The following WDR17 variants were observed in gnomAD, a reference collection of about 807,000 sequenced individuals.
WDR17 encodes WD repeat-containing protein 17.
WDR17 carries 143 observed loss-of-function variants against 161.7 expected under a neutral mutation model. The ratio of observed to expected loss-of-function variants is 0.88; its 90% CI spans 0.77 to 1.02. The LOEUF (loss-of-function observed/expected upper bound fraction) is 1.02, where lower values mean the gene tolerates loss of function less well. Ranked by LOEUF, WDR17 falls within the 50% of genes least tolerant of loss-of-function variation. The pLI, the probability that WDR17 is intolerant of heterozygous loss-of-function variation, is 0.00. For synonymous variants in WDR17, 517 were observed against 515.6 expected (o/e 1.00, Z -0.04); for missense variants, 1,469 against 1,520.9 (o/e 0.97, Z 0.57).
intron 3 of WDR17, among the ~76,000 whole-genome samples, chr4:176,118,830 G>A (rs1301409308): frequency 5.9e-5 from 9 of 151,952 alleles, no homozygotes; most frequent in East Asian, 5.8e-4. Flanking sequence ...GCATGGTGGC[G>A]GGCGCCTGTA....
chr4:176,172,272 T>C, intron 23 of WDR17, 103 bp from the exon 24 acceptor site: 1 of 1,030,806 alleles, frequency 9.7e-7, no homozygotes, highest in South Asian at 1.6e-5. Context: ...ATAACTTTAA[T>C]AAGAAAACCA....
Position 176,177,147 on chromosome 4 carries a change from C to G in WDR17, c.3539C>G (p.Ser1180Cys). ...GATGCATGGAGAGCTTGCACACAGT[C>G]CACCAACAGGTGAGCAAATATGATA... ...ELDAWRACTQ[S>C]TNRSLEDSPY... The change falls in exon 27 of 29, where the codon TCC becomes TGC. Residue 1180 changes from serine to cysteine, a missense_variant. Transcript: ENST00000508596. 6.2e-7 allele frequency: 1 copy of G among 1,612,830 alleles called. No individual in the cohort carries two copies. Among genetic ancestry groups the G allele is most frequent in the Non-Finnish European group, 8.5e-7 (1 of 1,179,162 alleles).
chr4:176,066,597 T>G (rs1317327019), intron 1 of WDR17, among the ~76,000 whole-genome samples: 1 of 152,114 alleles, frequency 6.6e-6, no homozygotes, highest in South Asian at 2.1e-4. Flanking sequence ...ATCTTTGCTG[T>G]CCTCCCCTCT....
In WDR17 at chr4:176,128,846, C is replaced by A; in HGVS notation, c.899C>A (p.Pro300His). 1 of 1,564,328 alleles carries A rather than the reference C, an allele frequency of 6.4e-7. No individual in the cohort carries two copies. The highest frequency in any genetic ancestry group is 8.6e-7 in the Non-Finnish European group (1 of 1,161,544). ...CACTGCTTACATGTACTTAATTCTC[C>A]TCCAAGAAAAAAGTGTAAGTAAAAA... ...GFHCLHVLNS[P>H]PRKKFSVQSP... The change falls in exon 6 of 29, where the codon CCT becomes CAT. Residue 300 changes from proline to histidine, a missense_variant. By Grantham distance (77) the Pro-to-His change is moderately conservative (BLOSUM62 -2). Coordinates refer to ENST00000508596, the MANE Select transcript of WDR17 (RefSeq NM_181265.4).
intron 1 of WDR17, among the ~76,000 whole-genome samples, chr4:176,074,133 T>C (rs1350575948): frequency 6.6e-6 from 1 of 151,900 alleles, no homozygotes; most frequent in African/African-American, 2.4e-5. Flanking sequence ...ATTTTGGCTT[T>C]TGTTGCCATT....
intron 12 of WDR17, among the ~76,000 whole-genome samples, chr4:176,147,195 A>G (rs1031007128): frequency 6.6e-5 from 10 of 152,166 alleles, no homozygotes; most frequent in Admixed American, 2.0e-4. Context: ...GCAGAAAGGG[A>G]TATGCCTTAA....
intron 7 of WDR17, among the ~76,000 whole-genome samples, chr4:176,133,189 T>A (rs549993589): frequency 3.4e-5 from 5 of 146,162 alleles, no homozygotes; most frequent in Admixed American, 6.8e-5. Flanking sequence ...TTTTTATTTT[T>A]TTTTTTTTAC....
chr4:176,127,285 AG>A (rs1742598181), intron 5 of WDR17, among the ~76,000 whole-genome samples: 1 of 150,710 alleles, frequency 6.6e-6, no homozygotes, highest in African/African-American at 2.5e-5. Flanking sequence ...AATTAATAAT[AG>A]GCATGGAATT....
chr4:176,158,829 T>C (rs1748557835), intron 18 of WDR17, among the ~76,000 whole-genome samples: 1 of 152,198 alleles, frequency 6.6e-6, no homozygotes, highest in Non-Finnish European at 1.5e-5. Flanking sequence ...GAAAGTGGTC[T>C]CTCCACAACT....
chr4:176,148,410 A>C lies in WDR17; in HGVS notation c.1897+75A>C, dbSNP rs540342405. 10 of 1,329,126 alleles carry C rather than the reference A, an allele frequency of 7.5e-6. No homozygotes were observed. The Admixed American group carries it at 1.4e-4, about 19-fold the overall frequency. The allele number at this position is 1,329,126 out of a possible 1,614,324, so 82.3% of individuals were successfully genotyped here. A position where few individuals can be genotyped will look rare whatever the true frequency, so the allele number is the denominator to read the frequency against. On this transcript the variant is annotated intron_variant, in intron 13 of 28. Transcript: ENST00000508596. ...GATGCTTATAACTTCTGAGGAATAC[A>C]GTATTTTTGAAGAAGTTATACAGTG...
Position 176,160,095 on chromosome 4 carries a change from G to A in WDR17, c.2627G>A (p.Gly876Asp). The A allele has an allele frequency of 6.2e-7, 1 of 1,613,836 alleles. No homozygotes were observed. Among genetic ancestry groups the A allele is most frequent in the Non-Finnish European group, 8.5e-7 (1 of 1,179,866 alleles). Residue 876 changes from glycine to aspartate, a missense_variant, in exon 19 of 29, where the codon GGT becomes GAT. Gly to Asp is a moderately conservative substitution (Grantham distance 94). Coordinates refer to ENST00000508596, the MANE Select transcript of WDR17 (RefSeq NM_181265.4). ...CTAGTCCATTTTTTCATGTCAAGAG[G>A]TCAGCTTAAAGAAGCTCTGCTTGTT... ...KKLVHFFMSRGQLKEALLVAQ... is the reference protein window; with the variant it reads ...KKLVHFFMSRDQLKEALLVAQ...
chr4:176,073,130 T>C (rs973007686), intron 1 of WDR17, among the ~76,000 whole-genome samples: 1 of 152,120 alleles, frequency 6.6e-6, no homozygotes, highest in Non-Finnish European at 1.5e-5. Flanking sequence ...ATACTTTAAG[T>C]TTTAGGGTAC....
chr4:176,147,789 C>A (rs1746421307), intron 12 of WDR17, among the ~76,000 whole-genome samples: 1 of 79,412 alleles, frequency 1.3e-5, no homozygotes, highest in Admixed American at 9.8e-5. Context: ...AATATGTTTA[C>A]TACCAGTAAT....
intron 1 of WDR17, among the ~76,000 whole-genome samples, chr4:176,108,619 C>T (rs1739195756): frequency 6.6e-6 from 1 of 151,918 alleles, no homozygotes; most frequent in Admixed American, 6.6e-5. Context: ...TTAACATGTG[C>T]CATCCGGTGC....
intron 1 of WDR17, among the ~76,000 whole-genome samples, chr4:176,069,055 G>A (rs780669520): frequency 2.6e-5 from 4 of 152,118 alleles, no homozygotes; most frequent in Non-Finnish European, 4.4e-5. Flanking sequence ...CATGCTTAAA[G>A]CATGGGCTGT....
chr4:176,133,378 T>TAAAAA (rs571544131), intron 7 of WDR17, among the ~76,000 whole-genome samples: 3 of 72,994 alleles, frequency 4.1e-5, no homozygotes, highest in Admixed American at 1.7e-4. Flanking sequence ...TCTACTAAGC[T>TAAAAA]AAAAAAAAAA....
At position 176,128,878 on chromosome 4, in the gene WDR17, C is replaced by A; in HGVS notation, c.913+18C>A. Reference sequence around the variant, plus strand: ...AAAAAAGTGTAAGTAAAAATGTTATCAAAATTTTAATTTTTAAAAAATATT... The same window carrying A: ...AAAAAAGTGTAAGTAAAAATGTTATAAAAATTTTAATTTTTAAAAAATATT... On this transcript the variant is annotated intron_variant, in intron 6 of 28. Coordinates refer to ENST00000508596, the MANE Select transcript of WDR17 (RefSeq NM_181265.4). The A allele has an allele frequency of 6.5e-7, 1 of 1,536,738 alleles. No homozygotes were observed. The highest frequency in any genetic ancestry group is 8.7e-7 in the Non-Finnish European group (1 of 1,144,804).
chr4:176,138,319 G>T (rs1744730886), intron 9 of WDR17, among the ~76,000 whole-genome samples: 1 of 151,516 alleles, frequency 6.6e-6, no homozygotes, highest in Admixed American at 6.6e-5. Context: ...TATATTTGGG[G>T]TTTTAAAAAC....
rs572919827 is a variant in WDR17, at chr4:176,162,245, G to C, written c.2850+71G>C. ...TATGTCATGGTGTTTGAGAGGAAAA[G>C]ATATGGTGACTTTCTATGTGAGATC... On this transcript the variant is annotated intron_variant, in intron 21 of 28. Transcript: ENST00000508596. 8.0e-6 allele frequency: 11 copies of C among 1,377,966 alleles called. No individual in the cohort carries two copies. The East Asian group carries it at 2.6e-4, about 33-fold the overall frequency. The allele number at this position is 1,377,966 out of a possible 1,614,324, so 85.4% of individuals were successfully genotyped here.
Sources: gnomAD v4.1 joint callset for allele counts (sites outside exome capture counted in the v4.1 genomes callset) on GRCh38, gnomAD v4.1.1 for gene constraint, MANE v1.5 for transcripts, NCBI Gene and HGNC (gene_info 2026-07-23, HGNC 2026-07-21) for gene names.